Variants in NCAM2 observed in about 807,000 individuals in gnomAD.
The protein encoded by NCAM2 is N-CAM-2.
Under a neutral mutation model 98.1 loss-of-function variants are expected in NCAM2, and 30 were observed. The observed-to-expected ratio is 0.31, with a 90% CI of 0.23 to 0.41. The LOEUF (loss-of-function observed/expected upper bound fraction) is 0.41, where lower values mean the gene tolerates loss of function less well. Ranked by LOEUF, NCAM2 falls within the 10% of genes least tolerant of loss-of-function variation. The probability of loss-of-function intolerance (pLI) is 1.00; values close to 1 mark genes in which losing one functional copy is unlikely to be tolerated. For synonymous variants in NCAM2, 368 were observed against 342.4 expected (o/e 1.07, Z -0.83); for missense variants, 867 against 1,005.8 (o/e 0.86, Z 1.87).
intron 1 of NCAM2, among the ~76,000 whole-genome samples, chr21:21,238,307 A>G (rs983210689): frequency 5.3e-5 from 8 of 152,186 alleles, no homozygotes; most frequent in Non-Finnish European, 8.8e-5. Flanking sequence ...TATTAGAACA[A>G]AAATAAAAAG....
chr21:21,345,413 C>G (rs1028408940), intron 8 of NCAM2, among the ~76,000 whole-genome samples: 2 of 151,882 alleles, frequency 1.3e-5, no homozygotes, highest in Non-Finnish European at 2.9e-5. Flanking sequence ...TCTATCAGAT[C>G]AATCTAACAG....
At chr21:21,491,360 A>G (rs1986829091) in intron 15 of NCAM2, among the ~76,000 whole-genome samples, 1 of 151,760 alleles carries the variant, frequency 6.6e-6, no homozygotes, top group Non-Finnish European at 1.5e-5. Flanking sequence ...GCAAAAGTCC[A>G]TAAAGGAAAT....
At chr21:21,198,696 A>G (rs542010569) in intron 1 of NCAM2, among the ~76,000 whole-genome samples, 2 of 152,304 alleles carry the variant, frequency 1.3e-5, no homozygotes, top group African/African-American at 4.8e-5. Flanking sequence ...TGTGTTCTTT[A>G]AGACCCCTGC....
At chr21:21,326,873 G>T (rs1033262697) in intron 6 of NCAM2, among the ~76,000 whole-genome samples, 53 of 152,272 alleles carry the variant, frequency 3.5e-4, no homozygotes, top group Non-Finnish European at 6.3e-4. Context: ...CCTTGTATCT[G>T]ACATATAGAC....
intron 1 of NCAM2, among the ~76,000 whole-genome samples, chr21:21,044,268 G>A (rs2064965715): frequency 6.6e-6 from 1 of 152,120 alleles, no homozygotes; most frequent in Admixed American, 6.5e-5. Flanking sequence ...AGAAGAGCAG[G>A]GTTTGTAAGG....
intron 1 of NCAM2, among the ~76,000 whole-genome samples, chr21:21,272,029 A>T (rs2072521739): frequency 6.6e-6 from 1 of 152,176 alleles, no homozygotes; most frequent in South Asian, 2.1e-4. Context: ...TGTACCCTAG[A>T]ACTTAAAGTA....
chr21:21,016,875 C>G (rs1002302928), intron 1 of NCAM2, among the ~76,000 whole-genome samples: 4 of 152,094 alleles, frequency 2.6e-5, no homozygotes, highest in African/African-American at 9.7e-5. Context: ...ACCTGGGTGC[C>G]TCCCACTACA....
At chr21:21,101,541 G>A (rs1441602058) in intron 1 of NCAM2, among the ~76,000 whole-genome samples, 1 of 151,972 alleles carries the variant, frequency 6.6e-6, no homozygotes, top group Non-Finnish European at 1.5e-5. Flanking sequence ...CATACTAGCT[G>A]TAACTTTAAA....
intron 1 of NCAM2, among the ~76,000 whole-genome samples, chr21:21,008,934 C>G (rs1568922149): frequency 6.6e-6 from 1 of 152,246 alleles, no homozygotes; most frequent in East Asian, 1.9e-4. Context: ...TTGTTAAAGG[C>G]TTTGAGGAGC....
At chr21:21,529,697 A>C in intron 16 of NCAM2, among the ~76,000 whole-genome samples, 1 of 151,938 alleles carries the variant, frequency 6.6e-6, no homozygotes, top group Non-Finnish European at 1.5e-5. Flanking sequence ...ATACCAGATG[A>C]CATCTGACAG....
At chr21:21,245,092 T>C (rs1044715389) in intron 1 of NCAM2, among the ~76,000 whole-genome samples, 9 of 152,016 alleles carry the variant, frequency 5.9e-5, no homozygotes, top group African/African-American at 2.2e-4. Flanking sequence ...TCCTTACACA[T>C]TTCTTCATTT....
chr21:21,524,541 G>T (rs897323932), intron 16 of NCAM2, among the ~76,000 whole-genome samples: 3 of 151,500 alleles, frequency 2.0e-5, no homozygotes, highest in Non-Finnish European at 2.9e-5. Flanking sequence ...AAAAAAAAAG[G>T]GGGTGTGGGG....
chr21:21,065,595 G>A (rs571740263), intron 1 of NCAM2, among the ~76,000 whole-genome samples: 2 of 152,070 alleles, frequency 1.3e-5, no homozygotes, highest in South Asian at 2.1e-4. Context: ...TAAAAATGAC[G>A]CCTTGAAAAA....
chr21:21,536,778 A>G (rs144166413), intron 17 of NCAM2, among the ~76,000 whole-genome samples: 2 of 152,334 alleles, frequency 1.3e-5, no homozygotes, highest in East Asian at 3.9e-4. Flanking sequence ...CATGTACACA[A>G]TAGTAAACAA....
chr21:21,386,561 G>A (rs964441091), intron 9 of NCAM2, among the ~76,000 whole-genome samples: 1 of 152,122 alleles, frequency 6.6e-6, no homozygotes, highest in African/African-American at 2.4e-5. Flanking sequence ...CATTAAAAAA[G>A]AAAGGTGAAG....
chr21:21,349,091 A>G (rs2075266808), intron 8 of NCAM2, among the ~76,000 whole-genome samples: 1 of 152,154 alleles, frequency 6.6e-6, no homozygotes, highest in Non-Finnish European at 1.5e-5. Context: ...AAGTGGGATC[A>G]CATCAAATTA....
intron 6 of NCAM2, 95 bp downstream of exon 6, chr21:21,324,595 A>G (rs1278408539): frequency 2.2e-6 from 2 of 890,484 alleles, no homozygotes; most frequent in South Asian, 1.9e-5. Context: ...AAAGCAAACC[A>G]TTGCATTTTA....
At chr21:21,419,753 T>C (rs2776102) in intron 11 of NCAM2, among the ~76,000 whole-genome samples, 39,212 of 151,804 alleles carry the variant, frequency 0.26, 5,313 homozygotes, top group East Asian at 0.46. Flanking sequence ...CTTAATCCAG[T>C]CTATCATTGC....
At chr21:21,517,888 A>G (rs979592445) in intron 16 of NCAM2, among the ~76,000 whole-genome samples, 1 of 152,156 alleles carries the variant, frequency 6.6e-6, no homozygotes, top group African/African-American at 2.4e-5. Flanking sequence ...ACCTTGTAAG[A>G]GAGTACCATT....
Sources: gnomAD v4.1 joint callset for allele counts (sites outside exome capture counted in the v4.1 genomes callset) on GRCh38, gnomAD v4.1.1 for gene constraint, MANE v1.5 for transcripts, NCBI Gene and HGNC (gene_info 2026-07-23, HGNC 2026-07-21) for gene names.